The following CCDC38 variants were observed in gnomAD, a reference collection of about 807,000 sequenced individuals.
CCDC38 encodes coiled-coil domain containing 38, also known as coiled-coil domain-containing protein 38.
CCDC38 carries 69 observed loss-of-function variants against 72.8 expected under a neutral mutation model. The observed-to-expected ratio is 0.95, with a 90% CI of 0.78 to 1.16. CCDC38 has a LOEUF of 1.16. CCDC38 is among the 50% of genes most tolerant of loss of function. The pLI is 0.00. For missense variants in CCDC38, 626 were observed against 638.9 expected, an observed-to-expected ratio of 0.98 and a Z score of 0.22; for synonymous variants, 201 against 213.2, an observed-to-expected ratio of 0.94 and a Z score of 0.50.
intron 4 of CCDC38, among the ~76,000 whole-genome samples, chr12:95,914,131 C>T (rs923578266): frequency 6.6e-6 from 1 of 152,248 alleles, no homozygotes; most frequent in Admixed American, 6.5e-5. Context: ...CGAGACCACC[C>T]TGGCCAACAT....
intron 2 of CCDC38, among the ~76,000 whole-genome samples, chr12:95,921,781 A>T (rs1194410524): frequency 2.6e-5 from 4 of 151,958 alleles, no homozygotes; most frequent in Non-Finnish European, 4.4e-5. Context: ...TCCTGAAGAC[A>T]CATTCCCCAA....
chr12:95,928,157 G>A (rs372799724), intron 2 of CCDC38, among the ~76,000 whole-genome samples: 13 of 151,728 alleles, frequency 8.6e-5, no homozygotes, highest in East Asian at 7.8e-4. Flanking sequence ...TCCATTCTCC[G>A]CATCACTTTC....
At chr12:95,885,307 T>C (rs964611467) in intron 10 of CCDC38, 1 of 154,532 alleles carries the variant, frequency 6.5e-6, no homozygotes, top group Non-Finnish European at 1.4e-5. Context: ...AATGACTGAG[T>C]TGACTGCTGA....
At position 95,868,782 on chromosome 12, in the gene CCDC38, G is replaced by A. The variant is rs17310830; in HGVS notation, c.1578+698C>T. 9.0e-3 allele frequency among the ~76,000 whole-genome samples: 1,376 copies of A among 152,212 alleles called. 9 individuals are homozygous for A. The highest frequency in any genetic ancestry group is 0.014 in the Non-Finnish European group (971 of 67,994). ...TAGAATTGATGGACCACATGTACCT[G>A]ACTACCTAATCCCAAACTTCTGATT... is the stretch of plus-strand genomic sequence containing the variant. On this transcript the variant is annotated intron_variant, in intron 15 of 15. Coordinates refer to ENST00000344280, the MANE Select transcript of CCDC38 (RefSeq NM_182496.3).
chr12:95,878,198 AAG>A lies in CCDC38; in HGVS notation c.1278+11_1278+12del. 7 of 1,612,224 alleles carry A rather than the reference AAG, an allele frequency of 4.3e-6. No homozygotes were observed. The highest frequency in any genetic ancestry group is 5.9e-6 in the Non-Finnish European group (7 of 1,179,380). On this transcript the variant is annotated intron_variant, in intron 13 of 15. Transcript: ENST00000344280. ...AGCCAAAATGAAATCACCATAGGCA[AAG>A]AGTGATTTACCTGAGCATCTGAATT...
chr12:95,942,236 A>C (rs930654509), intron 1 of CCDC38, among the ~76,000 whole-genome samples, 195 bp downstream of exon 1: 1 of 152,240 alleles, frequency 6.6e-6, no homozygotes, highest in Non-Finnish European at 1.5e-5. Flanking sequence ...TTAAGGACTC[A>C]AAAGCCTGGG....
intron 2 of CCDC38, among the ~76,000 whole-genome samples, chr12:95,921,429 C>T (rs1367270509): frequency 4.6e-5 from 7 of 151,882 alleles, no homozygotes; most frequent in South Asian, 4.2e-4. Flanking sequence ...GGGAAGACCT[C>T]GGGAAACTTA....
In CCDC38 at chr12:95,906,463, G is replaced by A; in HGVS notation, c.305-12C>T. On this transcript the variant is annotated splice_polypyrimidine_tract_variant and intron_variant, in intron 4 of 15. Transcript: ENST00000344280. ...TTTTGTGTCGGAACCTGTGAAGAAA[G>A]TTGAAATAGACTTAAGTTTAGTTCA... 2 of 1,599,322 alleles carry A rather than the reference G, an allele frequency of 1.3e-6. No homozygotes were observed. The highest frequency in any genetic ancestry group is 2.7e-5 in the African/African-American group (2 of 74,710).
intron 14 of CCDC38, among the ~76,000 whole-genome samples, chr12:95,871,397 T>C (rs1443138669): frequency 6.6e-6 from 1 of 152,228 alleles, no homozygotes; most frequent in Non-Finnish European, 1.5e-5. Flanking sequence ...TATGCAAATA[T>C]GCCGTCTTAT....
intron 2 of CCDC38, among the ~76,000 whole-genome samples, chr12:95,924,992 CT>C (rs2080252976): frequency 6.9e-6 from 1 of 144,560 alleles, no homozygotes; most frequent in African/African-American, 2.6e-5. Flanking sequence ...CAGCTTTGTT[CT>C]TTTGGCTTAG....
intron 7 of CCDC38, 66 bp downstream of exon 7, chr12:95,898,319 C>T: frequency 1.4e-6 from 2 of 1,445,250 alleles, no homozygotes; most frequent in South Asian, 1.1e-5. Context: ...TTAGGTCTTA[C>T]CTGGCATGAA....
intron 10 of CCDC38, chr12:95,885,525 C>A: frequency 1.1e-5 from 2 of 174,114 alleles, no homozygotes; most frequent in South Asian, 3.5e-4. Context: ...AAATTATGTT[C>A]CAAAGAAATG....
intron 1 of CCDC38, among the ~76,000 whole-genome samples, chr12:95,940,629 C>T (rs1033436555): frequency 6.6e-6 from 1 of 152,016 alleles, no homozygotes; most frequent in African/African-American, 2.4e-5. Context: ...GGAAAAGGGG[C>T]TGTGAACTGT....
chr12:95,894,680 C>G (rs538951978), intron 8 of CCDC38, among the ~76,000 whole-genome samples: 1 of 152,290 alleles, frequency 6.6e-6, no homozygotes, highest in South Asian at 2.1e-4. Flanking sequence ...CAGCCTGAAG[C>G]CCCCACCAGA....
chr12:95,927,190 G>T (rs74558342), intron 2 of CCDC38, among the ~76,000 whole-genome samples: 2 of 151,910 alleles, frequency 1.3e-5, no homozygotes, highest in South Asian at 2.1e-4. Context: ...TCTCTTTCTA[G>T]GTCGCTCAGG....
intron 2 of CCDC38, among the ~76,000 whole-genome samples, chr12:95,925,716 T>A (rs1356837291): frequency 6.6e-6 from 1 of 152,140 alleles, no homozygotes; most frequent in Non-Finnish European, 1.5e-5. Context: ...ATACGTCCCA[T>A]CAATACCTAA....
chr12:95,925,206 T>C (rs558976075), intron 2 of CCDC38, among the ~76,000 whole-genome samples: 3 of 152,286 alleles, frequency 2.0e-5, no homozygotes, highest in Admixed American at 2.0e-4. Context: ...TGTATCCTCT[T>C]CTATTTCCTT....
chr12:95,873,520 G>C (rs10507063), intron 13 of CCDC38, among the ~76,000 whole-genome samples: 12,821 of 152,228 alleles, frequency 0.084, 725 homozygotes, highest in South Asian at 0.25. Context: ...TTTAACTGTT[G>C]GTGGAGATTC....
intron 13 of CCDC38, 140 bp downstream of exon 13, chr12:95,878,071 C>T (rs1288141448): frequency 1.1e-6 from 1 of 942,838 alleles, no homozygotes; most frequent in Non-Finnish European, 1.6e-6. Flanking sequence ...AAGATAAATT[C>T]CAAGCTGGCT....
Sources: allele counts gnomAD v4.1 joint callset (sites outside exome capture counted in the v4.1 genomes callset), GRCh38; gene constraint gnomAD v4.1.1; transcripts MANE v1.5; gene names NCBI Gene and HGNC (gene_info 2026-07-23, HGNC 2026-07-21).